The following RAB3C variants were observed in gnomAD, a reference collection of about 807,000 sequenced individuals.
The protein encoded by RAB3C is ras-related protein Rab-3C.
In RAB3C, 17 loss-of-function variants were observed where a neutral mutation model predicts 26.4. The observed-to-expected ratio is 0.64, with a 90% CI of 0.44 to 0.97. RAB3C has a LOEUF of 0.97. Among genes scored for constraint, RAB3C ranks in the 50% least tolerant of loss-of-function variants. The pLI is 0.00. For missense variants in RAB3C, 242 were observed against 281.9 expected, an observed-to-expected ratio of 0.86 and a Z score of 1.01; for synonymous variants, 91 against 95.9, an observed-to-expected ratio of 0.95 and a Z score of 0.30.
chr5:58,694,296 G>T (rs1326944935), intron 2 of RAB3C, among the ~76,000 whole-genome samples: 1 of 152,144 alleles, frequency 6.6e-6, no homozygotes, highest in Non-Finnish European at 1.5e-5. Flanking sequence ...GTATTCCATG[G>T]TGTATATGTG....
In RAB3C at chr5:58,782,903, T is replaced by C. The variant is rs569800149; in HGVS notation, c.372-42135T>C. On this transcript the variant is annotated intron_variant, in intron 3 of 4. Transcript: ENST00000282878. ...TTTAAAATATGAAGGCTTTTCATTTTCACAGCCTTTGATTGTACTATGTCC... is the reference window on the plus strand; with the variant it reads ...TTTAAAATATGAAGGCTTTTCATTTCCACAGCCTTTGATTGTACTATGTCC... 7.7e-4 allele frequency among the ~76,000 whole-genome samples: 118 copies of C among 152,262 alleles called. 1 individual carries two copies. In the South Asian group the frequency reaches 0.024, roughly 31 times the overall value.
chr5:58,700,887 C>T (rs1748827724), intron 2 of RAB3C, among the ~76,000 whole-genome samples: 1 of 152,112 alleles, frequency 6.6e-6, no homozygotes, highest in African/African-American at 2.4e-5. Context: ...GCTATGGTAA[C>T]ATTGTCATTA....
chr5:58,737,447 A>AC (rs1561305276), intron 3 of RAB3C, among the ~76,000 whole-genome samples: 2 of 29,242 alleles, frequency 6.8e-5, no homozygotes, highest in African/African-American at 2.3e-4. Context: ...ATATATATAT[A>AC]TAATTTACTT....
At chr5:58,722,170 A>T (rs1270608567) in intron 2 of RAB3C, among the ~76,000 whole-genome samples, 1 of 151,886 alleles carries the variant, frequency 6.6e-6, no homozygotes, top group Non-Finnish European at 1.5e-5. Context: ...TGAAAATGGG[A>T]CACCATCACT....
chr5:58,590,322 T>C (rs943292858), intron 1 of RAB3C, among the ~76,000 whole-genome samples: 16 of 152,206 alleles, frequency 1.1e-4, no homozygotes, highest in African/African-American at 3.9e-4. Flanking sequence ...TCTTTCCTAA[T>C]ACTGATCATC....
chr5:58,692,008 C>G (rs148390919), intron 2 of RAB3C, among the ~76,000 whole-genome samples: 52 of 152,134 alleles, frequency 3.4e-4, no homozygotes, highest in Non-Finnish European at 6.6e-4. Flanking sequence ...TAAAGTGACG[C>G]TTTTTCTTCA....
chr5:58,596,556 ATATAT>A (rs1245923384), intron 1 of RAB3C, among the ~76,000 whole-genome samples: 42 of 123,934 alleles, frequency 3.4e-4, no homozygotes, highest in South Asian at 1.6e-3. Context: ...TATATAATAC[ATATAT>A]TATATATAAA....
intron 3 of RAB3C, among the ~76,000 whole-genome samples, chr5:58,777,313 T>C (rs1742165729): frequency 1.3e-5 from 2 of 152,098 alleles, no homozygotes; most frequent in South Asian, 4.1e-4. Flanking sequence ...GCACCAAACT[T>C]CCTTCTTTCT....
intron 2 of RAB3C, among the ~76,000 whole-genome samples, chr5:58,624,297 C>A (rs952312014): frequency 6.6e-6 from 1 of 152,064 alleles, no homozygotes; most frequent in Non-Finnish European, 1.5e-5. Flanking sequence ...CCTGGGGACT[C>A]GGGAAGGTTT....
chr5:58,717,427 C>T (rs980005206), intron 2 of RAB3C, among the ~76,000 whole-genome samples: 1 of 152,192 alleles, frequency 6.6e-6, no homozygotes, highest in African/African-American at 2.4e-5. Context: ...TTCAGTGAAG[C>T]CTGTCCTGCC....
intron 3 of RAB3C, among the ~76,000 whole-genome samples, chr5:58,738,529 T>G (rs1183142550): frequency 7.0e-6 from 1 of 143,158 alleles, no homozygotes; most frequent in Non-Finnish European, 1.5e-5. Flanking sequence ...GAGAGACACT[T>G]GTCCTCTATG....
At chr5:58,660,475 C>T (rs1244276718) in intron 2 of RAB3C, among the ~76,000 whole-genome samples, 1 of 150,094 alleles carries the variant, frequency 6.7e-6, no homozygotes, top group Admixed American at 6.6e-5. Flanking sequence ...CATCCTGTTG[C>T]CTGGAGTTGG....
At chr5:58,828,599 C>T (rs753658727) in intron 4 of RAB3C, among the ~76,000 whole-genome samples, 7 of 152,244 alleles carry the variant, frequency 4.6e-5, no homozygotes, top group Non-Finnish European at 7.3e-5. Flanking sequence ...CAGGCGCCAA[C>T]ATCCACCTGC....
chr5:58,832,765 C>T (rs985007868), intron 4 of RAB3C, among the ~76,000 whole-genome samples: 4 of 152,064 alleles, frequency 2.6e-5, no homozygotes, highest in African/African-American at 7.2e-5. Context: ...TCTCCCTAGG[C>T]ATAATAAATA....
intron 3 of RAB3C, among the ~76,000 whole-genome samples, chr5:58,727,811 G>A (rs947467849): frequency 2.0e-5 from 3 of 151,940 alleles, no homozygotes; most frequent in Non-Finnish European, 2.9e-5. Flanking sequence ...TTAAAAACAT[G>A]GAAGACCTCT....
chr5:58,778,182 T>C (rs751544924), intron 3 of RAB3C, among the ~76,000 whole-genome samples: 7 of 152,140 alleles, frequency 4.6e-5, no homozygotes, highest in Non-Finnish European at 4.4e-5. Flanking sequence ...CTAAATATCA[T>C]TGGATTTAGG....
intron 2 of RAB3C, among the ~76,000 whole-genome samples, chr5:58,670,281 C>T (rs529097854): frequency 1.2e-4 from 18 of 152,068 alleles, no homozygotes; most frequent in Middle Eastern, 3.4e-3. Flanking sequence ...TGCCTACATA[C>T]GCTTCTTAAA....
chr5:58,715,423 G>A (rs1200334924), intron 2 of RAB3C, among the ~76,000 whole-genome samples: 1 of 151,696 alleles, frequency 6.6e-6, no homozygotes, highest in African/African-American at 2.4e-5. Flanking sequence ...TTGTCTAATT[G>A]TATCTTTAAA....
chr5:58,839,273 A>G (rs1377975546), intron 4 of RAB3C, among the ~76,000 whole-genome samples: 1 of 150,672 alleles, frequency 6.6e-6, no homozygotes, highest in East Asian at 1.9e-4. Flanking sequence ...GTTGTTTTAT[A>G]TATCTTTTGT....
Sources: gnomAD v4.1 joint callset for allele counts (sites outside exome capture counted in the v4.1 genomes callset) on GRCh38, gnomAD v4.1.1 for gene constraint, MANE v1.5 for transcripts, NCBI Gene and HGNC (gene_info 2026-07-23, HGNC 2026-07-21) for gene names.